Variants in DAB1 observed in about 807,000 individuals in gnomAD.
The protein encoded by DAB1 is disabled homolog 1.
DAB1 carries 15 observed loss-of-function variants against 64.6 expected under a neutral mutation model. That is an observed-to-expected ratio of 0.23 (90% CI 0.16 to 0.36). The LOEUF (loss-of-function observed/expected upper bound fraction) is 0.36. Among genes scored for constraint, DAB1 ranks in the 10% least tolerant of loss-of-function variants. The pLI, the probability that DAB1 is intolerant of heterozygous loss-of-function variation, is 1.00. For missense variants in DAB1, 596 were observed against 706.7 expected, an observed-to-expected ratio of 0.84 and a Z score of 1.78; for synonymous variants, 235 against 251.9, an observed-to-expected ratio of 0.93 and a Z score of 0.64.
intron 5 of DAB1, among the ~76,000 whole-genome samples, chr1:58,123,688 C>T (rs1385820090): frequency 6.6e-6 from 1 of 152,106 alleles, no homozygotes; most frequent in Non-Finnish European, 1.5e-5. Context: ...ATCTCCAGGC[C>T]TTTAGTATCT....
intron 6 of DAB1, among the ~76,000 whole-genome samples, chr1:57,778,752 CTGTCACGTAGGAGAGTT>C (rs1422457784): frequency 6.6e-6 from 1 of 152,112 alleles, no homozygotes; most frequent in African/African-American, 2.4e-5. Context: ...ATTATGGATC[CTGTCACGTAGGAGAGTT>C]GTAATGACTG....
In DAB1 at chr1:58,074,558, A is replaced by G. The variant is rs866048305; in HGVS notation, n.387+75953T>C. ...TATATATATATACACACATATATAT[A>G]TGTGTGTATATATATATATATATAT... On this transcript the variant is annotated intron_variant and non_coding_transcript_variant, in intron 5 of 20. Coordinates refer to the DAB1 transcript ENST00000485760. 342 of 57,590 alleles carry G rather than the reference A, an allele frequency of 5.9e-3. 3 individuals are homozygous for G. Among genetic ancestry groups the G allele is most frequent in the African/African-American group, 0.021 (315 of 15,320 alleles). 3.6% of individuals were successfully genotyped at this position (57,590 alleles called of 1,614,324 possible). A position where few individuals can be genotyped will look rare whatever the true frequency, so the allele number is the denominator to read the frequency against.
rs559619190 is a variant in DAB1, at chr1:57,149,358, C to T, written c.68-3929G>A. On this transcript the variant is annotated intron_variant, in intron 2 of 14. Coordinates refer to ENST00000371236, the MANE Select transcript of DAB1 (RefSeq NM_001365792.1). ...AAATTATTCCGAAGAAAGGAATTGT[C>T]GCATCATATGGTAACTCTATATTTA... Among the ~76,000 whole-genome samples the T allele has an allele frequency of 2.4e-4, 36 of 152,242 alleles. No individual in the cohort carries two copies. The South Asian group carries it at 5.2e-3, about 22-fold the overall frequency.
intron 4 of DAB1, among the ~76,000 whole-genome samples, chr1:57,135,679 A>G (rs549497346): frequency 8.5e-5 from 13 of 152,294 alleles, no homozygotes; most frequent in African/African-American, 2.9e-4. Context: ...CCCTTATGTT[A>G]TCTTCATACT....
intron 3 of DAB1, among the ~76,000 whole-genome samples, chr1:58,396,008 C>A (rs1365705174): frequency 6.6e-6 from 1 of 152,076 alleles, no homozygotes; most frequent in African/African-American, 2.4e-5. Context: ...CTAGAGAAAC[C>A]CTGATTGTTA....
intron 3 of DAB1, among the ~76,000 whole-genome samples, chr1:58,485,116 A>T (rs1645552879): frequency 1.3e-5 from 2 of 149,534 alleles, no homozygotes; most frequent in Admixed American, 1.3e-4. Context: ...TGGGATTTTG[A>T]TGGTATGGGA....
chr1:58,076,750 C>T (rs776749328), intron 5 of DAB1, among the ~76,000 whole-genome samples: 4 of 152,220 alleles, frequency 2.6e-5, no homozygotes, highest in Non-Finnish European at 4.4e-5. Flanking sequence ...TATTTCCCCT[C>T]CTCCTCGCTG....
intron 5 of DAB1, among the ~76,000 whole-genome samples, chr1:57,992,902 A>G (rs1302569918): frequency 6.6e-6 from 1 of 152,096 alleles, no homozygotes; most frequent in Non-Finnish European, 1.5e-5. Flanking sequence ...TAGGAGGGAA[A>G]GGACTACCAT....
intron 5 of DAB1, among the ~76,000 whole-genome samples, chr1:57,988,168 G>A (rs1168013780): frequency 6.6e-6 from 1 of 152,128 alleles, no homozygotes; most frequent in East Asian, 1.9e-4. Flanking sequence ...TTTCAGCTTT[G>A]CAAGCAGCGT....
intron 9 of DAB1, among the ~76,000 whole-genome samples, chr1:57,034,262 A>G (rs1647060001): frequency 2.6e-5 from 3 of 116,214 alleles, no homozygotes; most frequent in Admixed American, 9.9e-5. Context: ...CCTGGGTGAC[A>G]GAGCGGACTC....
At chr1:57,194,643 C>G (rs1204408509) in intron 2 of DAB1, among the ~76,000 whole-genome samples, 1 of 152,196 alleles carries the variant, frequency 6.6e-6, no homozygotes, top group Admixed American at 6.5e-5. Flanking sequence ...ACTCAGCTAG[C>G]CGCCTTTGCA....
chr1:57,694,601 G>A (rs1479717689), intron 6 of DAB1, among the ~76,000 whole-genome samples: 2 of 152,110 alleles, frequency 1.3e-5, no homozygotes, highest in Non-Finnish European at 2.9e-5. Context: ...AAGTAGGCAG[G>A]GGACCACTGC....
chr1:58,109,971 T>G (rs1651880289), intron 5 of DAB1, among the ~76,000 whole-genome samples: 1 of 152,224 alleles, frequency 6.6e-6, no homozygotes, highest in Admixed American at 6.5e-5. Flanking sequence ...TTCTTACAGG[T>G]TTACCCAACC....
intron 2 of DAB1, among the ~76,000 whole-genome samples, chr1:57,271,658 T>C (rs1168977743): frequency 6.6e-6 from 1 of 152,160 alleles, no homozygotes; most frequent in East Asian, 1.9e-4. Flanking sequence ...GCTACTGTAC[T>C]AGAGGTCAGT....
At chr1:57,322,926 C>A (rs765460923) in intron 1 of DAB1, among the ~76,000 whole-genome samples, 1 of 152,102 alleles carries the variant, frequency 6.6e-6, no homozygotes, top group Non-Finnish European at 1.5e-5. Context: ...TTTCTAAAGA[C>A]CCTCAGGTTT....
chr1:58,288,839 T>C (rs987050542), intron 4 of DAB1, among the ~76,000 whole-genome samples: 1 of 152,200 alleles, frequency 6.6e-6, no homozygotes, highest in Non-Finnish European at 1.5e-5. Context: ...CTTAGACTTT[T>C]ATTGCTAAAG....
chr1:58,450,484 T>C (rs1467660220), intron 3 of DAB1, among the ~76,000 whole-genome samples: 2 of 152,184 alleles, frequency 1.3e-5, no homozygotes, highest in East Asian at 3.9e-4. Flanking sequence ...AATCGAACAG[T>C]TGGCTCACGT....
At chr1:57,877,190 G>T (rs114029969) in intron 1 of DAB1, among the ~76,000 whole-genome samples, 1 of 152,124 alleles carries the variant, frequency 6.6e-6, no homozygotes, top group African/African-American at 2.4e-5. Context: ...CAAAGCCACA[G>T]AGCTGGTTAT....
chr1:57,072,731 T>A (rs1290861960), intron 4 of DAB1, among the ~76,000 whole-genome samples: 1 of 152,240 alleles, frequency 6.6e-6, no homozygotes, highest in Non-Finnish European at 1.5e-5. Flanking sequence ...TCGTTTTACA[T>A]GACACATCCC....
Sources: allele counts gnomAD v4.1 joint callset (sites outside exome capture counted in the v4.1 genomes callset), GRCh38; gene constraint gnomAD v4.1.1; transcripts MANE v1.5; gene names NCBI Gene and HGNC (gene_info 2026-07-23, HGNC 2026-07-21).